RANBP2: variants seen among roughly 807,000 people sequenced by gnomAD.
RANBP2 encodes the protein E3 SUMO-protein ligase RanBP2.
RANBP2 carries 57 observed loss-of-function variants against 303.6 expected under a neutral mutation model. The observed-to-expected ratio is 0.19, with a 90% CI of 0.15 to 0.23. The LOEUF (loss-of-function observed/expected upper bound fraction) is 0.23, where lower values mean the gene tolerates loss of function less well. Among genes scored for constraint, RANBP2 ranks in the 10% least tolerant of loss-of-function variants. The pLI is 1.00. For synonymous variants in RANBP2, 1,167 were observed against 1,301.5 expected (o/e 0.90, Z 2.23); for missense variants, 3,138 against 3,780.8 (o/e 0.83, Z 4.46).
the RANBP2 span, among the ~76,000 whole-genome samples, chr2:109,470,648 C>T: frequency 2.0e-5 from 3 of 152,200 alleles, no homozygotes; most frequent in Non-Finnish European, 4.4e-5. Flanking sequence ...CAGTGCCACG[C>T]ATGGGGTGCC....
chr2:108,882,021 G>A, the RANBP2 span, among the ~76,000 whole-genome samples: 1 of 151,998 alleles, frequency 6.6e-6, no homozygotes, highest in African/African-American at 2.4e-5. Context: ...AGTCATAGTG[G>A]CAGGCGCTTG....
chr2:108,720,602 C>T (rs1694157617), intron 1 of RANBP2, among the ~76,000 whole-genome samples: 1 of 152,142 alleles, frequency 6.6e-6, no homozygotes. Flanking sequence ...CGTTTATAAG[C>T]TGGGTATTTG....
At chr2:108,979,907 C>T in the RANBP2 span, among the ~76,000 whole-genome samples, 16 of 152,100 alleles carry the variant, frequency 1.1e-4, no homozygotes, top group Admixed American at 3.3e-4. Context: ...CACTGCTGGG[C>T]GGTGGGAAGC....
chr2:109,367,997 A>G, the RANBP2 span, among the ~76,000 whole-genome samples: 2 of 152,270 alleles, frequency 1.3e-5, no homozygotes, highest in Admixed American at 6.5e-5. Flanking sequence ...TTGACAGGCA[A>G]AGGAACAAAA....
At chr2:108,815,863 C>T in the RANBP2 span, 1 of 1,187,892 alleles carries the variant, frequency 8.4e-7, no homozygotes, top group Non-Finnish European at 1.2e-6. Context: ...ATTCTTATTA[C>T]TTAACAAATT....
chr2:108,934,235 G>C, the RANBP2 span, among the ~76,000 whole-genome samples: 1 of 152,196 alleles, frequency 6.6e-6, no homozygotes, highest in Admixed American at 6.5e-5. Flanking sequence ...GAGAGGGTGA[G>C]TGGGGTCTGG....
At chr2:108,925,012 C>A in the RANBP2 span, among the ~76,000 whole-genome samples, 3 of 152,372 alleles carry the variant, frequency 2.0e-5, no homozygotes, top group East Asian at 5.8e-4. Context: ...CTCTGTGCCT[C>A]ACTTCCTCGC....
the RANBP2 span, chr2:109,544,222 A>G: frequency 6.2e-7 from 1 of 1,611,186 alleles, no homozygotes; most frequent in Non-Finnish European, 8.5e-7. Context: ...GATAAAACAA[A>G]TAACAGCAAA....
At chr2:109,143,628 C>T in the RANBP2 span, among the ~76,000 whole-genome samples, 2 of 151,990 alleles carry the variant, frequency 1.3e-5, no homozygotes, top group South Asian at 2.1e-4. Flanking sequence ...GTGGTGCATG[C>T]CTGTAGTCCT....
At chr2:109,761,708 ACTGCCTGCATATTC>A in the RANBP2 span, among the ~76,000 whole-genome samples, 1 of 147,734 alleles carries the variant, frequency 6.8e-6, no homozygotes, top group Non-Finnish European at 1.5e-5. Context: ...TGGTAAAATT[ACTGCCTGCATATTC>A]CTGGAGGAAC....
chr2:109,481,816 A>C, the RANBP2 span, among the ~76,000 whole-genome samples: 1 of 151,928 alleles, frequency 6.6e-6, no homozygotes, highest in African/African-American at 2.4e-5. Flanking sequence ...TCCTGTCTTG[A>C]GGAAGCCCAG....
chr2:108,719,963 G>C (rs754614772), intron 1 of RANBP2: 12 of 985,348 alleles, frequency 1.2e-5, no homozygotes, highest in Non-Finnish European at 1.4e-5. Flanking sequence ...CCCTGGCCCG[G>C]GCTTTCTGGC....
At chr2:109,551,058 C>T in the RANBP2 span, among the ~76,000 whole-genome samples, 2 of 152,182 alleles carry the variant, frequency 1.3e-5, no homozygotes, top group African/African-American at 4.8e-5. Flanking sequence ...ATCCGTCTGT[C>T]ATATGCAACA....
the RANBP2 span, among the ~76,000 whole-genome samples, chr2:109,350,910 C>CT: frequency 1.7e-4 from 26 of 152,196 alleles, no homozygotes; most frequent in African/African-American, 5.5e-4. Context: ...TATAACCTGC[C>CT]TTTATACAGC....
intron 19 of RANBP2, 142 bp from the exon 20 acceptor site, chr2:108,763,095 G>A (rs997836578): frequency 1.1e-5 from 11 of 993,118 alleles, no homozygotes; most frequent in South Asian, 2.8e-5. Context: ...TGGCATAAAC[G>A]GGTTAATGAT....
chr2:109,518,539 G>A, the RANBP2 span, among the ~76,000 whole-genome samples: 2 of 152,200 alleles, frequency 1.3e-5, no homozygotes, highest in Non-Finnish European at 2.9e-5. Flanking sequence ...GGGGGCATCT[G>A]CTCTAAGAAC....
the RANBP2 span, among the ~76,000 whole-genome samples, chr2:109,550,709 C>A: frequency 5.3e-5 from 8 of 152,180 alleles, no homozygotes; most frequent in African/African-American, 9.6e-5. Context: ...GTCCCTTCTG[C>A]CCTGCCTGCC....
chr2:109,653,923 T>C, the RANBP2 span, among the ~76,000 whole-genome samples: 1 of 152,180 alleles, frequency 6.6e-6, no homozygotes, highest in Non-Finnish European at 1.5e-5. Context: ...GCAGTTGCTT[T>C]GGCAGTAAGC....
the RANBP2 span, among the ~76,000 whole-genome samples, chr2:109,249,133 G>A: frequency 6.6e-6 from 1 of 152,112 alleles, no homozygotes; most frequent in African/African-American, 2.4e-5. Context: ...TCCCTGTCTT[G>A]GCCTCTCAAA....
Sources: gnomAD v4.1 joint callset for allele counts (sites outside exome capture counted in the v4.1 genomes callset) on GRCh38, gnomAD v4.1.1 for gene constraint, MANE v1.5 for transcripts, NCBI Gene and HGNC (gene_info 2026-07-23, HGNC 2026-07-21) for gene names.